The following LRBA variants were observed in gnomAD, a reference collection of about 807,000 sequenced individuals.
The protein encoded by LRBA is LPS responsive beige-like anchor protein.
LRBA carries 176 observed loss-of-function variants against 330.0 expected under a neutral mutation model. That is an observed-to-expected ratio of 0.53 (90% confidence interval 0.47 to 0.60). The LOEUF is 0.60. LRBA is among the 20% of genes least tolerant of loss of function. LRBA has a pLI of 0.00. For missense variants in LRBA, 3,259 were observed against 3,444.8 expected (o/e 0.95, Z 1.35); for synonymous variants, 1,230 against 1,193.0 (o/e 1.03, Z -0.64).
intron 26 of LRBA, among the ~76,000 whole-genome samples, chr4:150,847,209 T>C (rs1749973324): frequency 6.6e-6 from 1 of 152,068 alleles, no homozygotes; most frequent in East Asian, 1.9e-4. Flanking sequence ...AATTTCCTCA[T>C]GAATAAAAAG....
At chr4:150,869,833 T>C (rs904195826) in intron 20 of LRBA, among the ~76,000 whole-genome samples, 7 of 152,114 alleles carry the variant, frequency 4.6e-5, no homozygotes, top group Admixed American at 2.0e-4. Flanking sequence ...GGTGGGAAGA[T>C]TGCTTGAGCC....
chr4:150,690,892 CAAAAT>C lies in LRBA; in HGVS notation c.5755-7180_5755-7176del, dbSNP rs1784070468. Reference sequence around the variant, plus strand: ...AAAATCACAAGAATTTAAAAACTGACAAAATAAACTTTATCAAAATTTAAAACACC... The same window carrying C: ...AAAATCACAAGAATTTAAAAACTGACAAACTTTATCAAAATTTAAAACACC... On this transcript the variant is annotated intron_variant, in intron 36 of 56. Coordinates refer to ENST00000651943, the MANE Select transcript of LRBA (RefSeq NM_001364905.1). Among the ~76,000 whole-genome samples, 3 of 146,076 alleles carry C rather than the reference CAAAAT, an allele frequency of 2.1e-5. No homozygotes were observed. In the South Asian group the frequency reaches 6.5e-4, roughly 32 times the overall value.
intron 47 of LRBA, among the ~76,000 whole-genome samples, chr4:150,373,383 T>C (rs1309456585): frequency 1.3e-5 from 2 of 152,084 alleles, no homozygotes; most frequent in East Asian, 3.9e-4. Flanking sequence ...GCTTTACCTG[T>C]TTGAACCCAC....
chr4:150,334,833 T>A (rs899422314), intron 48 of LRBA, among the ~76,000 whole-genome samples: 1 of 25,028 alleles, frequency 4.0e-5, no homozygotes, highest in Non-Finnish European at 1.5e-4. Flanking sequence ...TTGTCTTGGT[T>A]TTTTTTTTTT....
Position 150,910,333 on chromosome 4 carries a change from T to C in LRBA, c.1162-1476A>G, listed in dbSNP as rs140008253. 2.6e-4 allele frequency among the ~76,000 whole-genome samples: 39 copies of C among 152,308 alleles called. 1 individual carries two copies. Among genetic ancestry groups the C allele is most frequent in the African/African-American group, 8.7e-4 (36 of 41,586 alleles). ...AATCCATTTTCAGCTCATTTTTATA[T>C]ACAATGTACAATATGAATTAAGTAT... is the stretch of plus-strand genomic sequence containing the variant. On this transcript the variant is annotated intron_variant, in intron 9 of 56. Coordinates refer to ENST00000651943, the MANE Select transcript of LRBA (RefSeq NM_001364905.1).
At chr4:150,813,175 AAGAAAG>A (rs1744035043) in intron 31 of LRBA, among the ~76,000 whole-genome samples, 3 of 10,342 alleles carry the variant, frequency 2.9e-4, no homozygotes, top group Non-Finnish European at 1.5e-3. Context: ...AAAAAAAAAA[AAGAAAG>A]AAAGAAAGAA....
chr4:150,794,184 T>C (rs1169583369), intron 34 of LRBA, among the ~76,000 whole-genome samples: 3 of 152,098 alleles, frequency 2.0e-5, no homozygotes, highest in African/African-American at 7.2e-5. Flanking sequence ...TATCTTTAAA[T>C]AGTTCAGCAT....
At chr4:150,428,455 T>C (rs1749931215) in intron 46 of LRBA, among the ~76,000 whole-genome samples, 1 of 152,056 alleles carries the variant, frequency 6.6e-6, no homozygotes, top group Non-Finnish European at 1.5e-5. Flanking sequence ...AATCTCATCC[T>C]AAAAAATGAG....
intron 54 of LRBA, among the ~76,000 whole-genome samples, chr4:150,284,420 CAAAT>C (rs1355112653): frequency 2.0e-5 from 3 of 152,176 alleles, no homozygotes; most frequent in South Asian, 2.1e-4. Context: ...ATGTTTTTCA[CAAAT>C]AAAATAATTA....
At chr4:150,529,721 CAA>C (rs201900862) in intron 40 of LRBA, among the ~76,000 whole-genome samples, 1 of 116,962 alleles carries the variant, frequency 8.5e-6, no homozygotes. Flanking sequence ...GACTCCATCT[CAA>C]AAAAAAAAAG....
At chr4:150,507,863 G>T (rs796748060) in intron 40 of LRBA, among the ~76,000 whole-genome samples, 1 of 152,002 alleles carries the variant, frequency 6.6e-6, no homozygotes, top group Non-Finnish European at 1.5e-5. Flanking sequence ...TTAAGAAAAC[G>T]TGGCACATAC....
intron 22 of LRBA, among the ~76,000 whole-genome samples, chr4:150,853,425 C>A (rs1046581610): frequency 6.6e-6 from 1 of 152,164 alleles, no homozygotes; most frequent in East Asian, 1.9e-4. Context: ...AGCTACAAAA[C>A]CATTATCTCA....
intron 16 of LRBA, among the ~76,000 whole-genome samples, chr4:150,894,958 A>T (rs1729904313): frequency 6.6e-6 from 1 of 152,166 alleles, no homozygotes; most frequent in South Asian, 2.1e-4. Flanking sequence ...GTCAAATATT[A>T]CTCAATCACA....
Position 150,887,811 on chromosome 4 carries a change from A to G in LRBA, c.2165+5241T>C, listed in dbSNP as rs969531970. ...AGAAAGAAAAAAAAAAGAACCTACA[A>G]CTTCTCAAATTTGGTAGTAATCACA... is the stretch of plus-strand genomic sequence containing the variant. On this transcript the variant is annotated intron_variant, in intron 17 of 56. Coordinates refer to ENST00000651943, the MANE Select transcript of LRBA (RefSeq NM_001364905.1). 7.3e-5 allele frequency among the ~76,000 whole-genome samples: 11 copies of G among 151,220 alleles called. No individual in the cohort carries two copies. In the South Asian group the frequency reaches 2.1e-3, roughly 29 times the overall value.
At chr4:150,338,943 C>G (rs1026249542) in intron 48 of LRBA, among the ~76,000 whole-genome samples, 4 of 142,562 alleles carry the variant, frequency 2.8e-5, no homozygotes, top group African/African-American at 5.3e-5. Flanking sequence ...ATTTTTAAAG[C>G]ACTTTGTATA....
chr4:150,851,221 G>A (rs1002043126), intron 23 of LRBA, among the ~76,000 whole-genome samples: 1 of 152,132 alleles, frequency 6.6e-6, no homozygotes, highest in Non-Finnish European at 1.5e-5. Context: ...CTAAAAGAAA[G>A]GCAGTATTTA....
At chr4:150,483,359 T>C (rs1422516632) in intron 42 of LRBA, among the ~76,000 whole-genome samples, 2 of 152,098 alleles carry the variant, frequency 1.3e-5, no homozygotes, top group African/African-American at 2.4e-5. Flanking sequence ...GAGTCTATCC[T>C]TAAATAACAA....
intron 40 of LRBA, among the ~76,000 whole-genome samples, chr4:150,520,694 C>T (rs1762835611): frequency 6.6e-6 from 1 of 152,132 alleles, no homozygotes; most frequent in African/African-American, 2.4e-5. Context: ...AACAGAAAGC[C>T]AAATACCACA....
intron 42 of LRBA, among the ~76,000 whole-genome samples, chr4:150,479,724 T>C (rs1757086843): frequency 6.6e-6 from 1 of 152,120 alleles, no homozygotes; most frequent in African/African-American, 2.4e-5. Context: ...AGAAAGTAAT[T>C]TTTAAAAATT....
Sources: gnomAD v4.1 joint callset for allele counts (sites outside exome capture counted in the v4.1 genomes callset) on GRCh38, gnomAD v4.1.1 for gene constraint, MANE v1.5 for transcripts, NCBI Gene and HGNC (gene_info 2026-07-23, HGNC 2026-07-21) for gene names.